AIDA: variants seen among roughly 807,000 people sequenced by gnomAD.
AIDA encodes the protein axin interactor, dorsalization associated.
In AIDA, 18 loss-of-function variants were observed where a neutral mutation model predicts 42.7. The observed-to-expected ratio is 0.42, with a 90% CI of 0.29 to 0.63. AIDA has a LOEUF of 0.63. AIDA is among the 20% of genes least tolerant of loss of function. The pLI, the probability that AIDA is intolerant of heterozygous loss-of-function variation, is 0.19. For missense variants in AIDA, 250 were observed against 354.1 expected (o/e 0.71, Z 2.36); for synonymous variants, 104 against 122.9 (o/e 0.85, Z 1.02).
intron 4 of AIDA, among the ~76,000 whole-genome samples, chr1:222,689,132 G>C (rs992804295): frequency 6.6e-6 from 1 of 151,762 alleles, no homozygotes; most frequent in Non-Finnish European, 1.5e-5. Flanking sequence ...TATAGAATAA[G>C]GACATAAAGA....
chr1:222,680,302 T>C (rs1316138726), intron 6 of AIDA, among the ~76,000 whole-genome samples: 15 of 152,134 alleles, frequency 9.9e-5, no homozygotes, highest in African/African-American at 2.4e-5. Flanking sequence ...ATGAGCTCTA[T>C]ACAGCAGTCT....
rs142292549 is a variant in AIDA at position 222,701,204 on chromosome 1, C to T, written c.180+1944G>A. Among the ~76,000 whole-genome samples, 409 of 152,248 alleles carry T rather than the reference C, an allele frequency of 2.7e-3. 2 individuals carry two copies. Among genetic ancestry groups the T allele is most frequent in the African/African-American group, 9.0e-3 (372 of 41,532 alleles). On this transcript the variant is annotated intron_variant, in intron 2 of 9. Coordinates refer to ENST00000340020, the MANE Select transcript of AIDA (RefSeq NM_022831.4). ...TCTTGAACTCCTGGGCTGAAACAATCTTCCCAACTCGACCTCCCAAAGTGC... is the reference window on the plus strand; with the variant it reads ...TCTTGAACTCCTGGGCTGAAACAATTTTCCCAACTCGACCTCCCAAAGTGC...
intron 1 of AIDA, among the ~76,000 whole-genome samples, chr1:222,709,448 C>T (rs968592970): frequency 1.3e-5 from 2 of 151,544 alleles, no homozygotes; most frequent in African/African-American, 4.9e-5. Flanking sequence ...ACAAAACAAA[C>T]AAAAAAAGAA....
chr1:222,697,633 T>G (rs552718215), intron 2 of AIDA, among the ~76,000 whole-genome samples: 1 of 151,938 alleles, frequency 6.6e-6, no homozygotes, highest in Non-Finnish European at 1.5e-5. Context: ...GCTAGGAAAA[T>G]TGACAGCTCA....
At chr1:222,701,616 T>C (rs1221278270) in intron 2 of AIDA, among the ~76,000 whole-genome samples, 1 of 152,214 alleles carries the variant, frequency 6.6e-6, no homozygotes. Context: ...AGCAAATCAG[T>C]AATTTCCACT....
intron 3 of AIDA, 115 bp downstream of exon 3, chr1:222,694,092 ATGT>A (rs1655450070): frequency 1.1e-6 from 1 of 942,236 alleles, no homozygotes; most frequent in East Asian, 2.5e-5. Context: ...AATTTAATAG[ATGT>A]TGTTATAAAA....
Position 222,676,935 on chromosome 1 carries a change from C to CA in AIDA, c.461-718dup, listed in dbSNP as rs202074935. 3.5e-3 allele frequency among the ~76,000 whole-genome samples: 435 copies of CA among 124,420 alleles called. 2 individuals are homozygous for CA. The highest frequency in any genetic ancestry group is 4.5e-3 in the African/African-American group (170 of 37,380). The allele number at this position is 124,420 out of a possible 152,430, so 81.6% of individuals were successfully genotyped here. On this transcript the variant is annotated intron_variant, in intron 6 of 9. Coordinates refer to ENST00000340020, the MANE Select transcript of AIDA (RefSeq NM_022831.4). ...GAAGCAAAAAAACCACAAAAAAAAA[C>CA]AAACAAAAAAAAACCCATCCGTTGA... is the stretch of plus-strand genomic sequence containing the variant.
intron 4 of AIDA, 24 bp downstream of exon 4, chr1:222,693,764 CA>C: frequency 4.4e-6 from 7 of 1,574,182 alleles, no homozygotes; most frequent in Admixed American, 1.7e-5. Flanking sequence ...AGGAGTATCA[CA>C]AAAAAATATA....
chr1:222,687,272 T>C (rs1655222026), intron 5 of AIDA, among the ~76,000 whole-genome samples: 1 of 151,754 alleles, frequency 6.6e-6, no homozygotes, highest in South Asian at 2.1e-4. Context: ...TCTACTAAAA[T>C]ACAAAAAAAT....
rs565083327 is a variant in AIDA, at chr1:222,687,823, C to T, written c.290-165G>A. 1.1e-3 allele frequency among the ~76,000 whole-genome samples: 168 copies of T among 152,216 alleles called. 1 individual carries two copies. Among genetic ancestry groups the T allele is most frequent in the African/African-American group, 3.9e-3 (161 of 41,542 alleles). Reference sequence around the variant, plus strand: ...ACACAGTACATTTGTCCACTGAAGTCTTAGCAAAATTAAAATATCCATGAT... The same window carrying T: ...ACACAGTACATTTGTCCACTGAAGTTTTAGCAAAATTAAAATATCCATGAT... On this transcript the variant is annotated intron_variant, in intron 4 of 9. Coordinates refer to ENST00000340020, the MANE Select transcript of AIDA (RefSeq NM_022831.4).
intron 6 of AIDA, among the ~76,000 whole-genome samples, chr1:222,678,410 C>A (rs1043185747): frequency 6.6e-6 from 1 of 152,042 alleles, no homozygotes; most frequent in Admixed American, 6.6e-5. Context: ...ACTATTTTCT[C>A]CCAAGTAAAC....
At chr1:222,682,031 C>T (rs765897866) in intron 6 of AIDA, among the ~76,000 whole-genome samples, 61 of 152,130 alleles carry the variant, frequency 4.0e-4, no homozygotes, top group Non-Finnish European at 1.9e-4. Flanking sequence ...ATGGAGATTA[C>T]GGAGAACCAG....
chr1:222,699,632 G>A (rs1655627220), intron 2 of AIDA, among the ~76,000 whole-genome samples: 1 of 152,076 alleles, frequency 6.6e-6, no homozygotes, highest in Admixed American at 6.5e-5. Flanking sequence ...AATACACCTG[G>A]AAGATCTGTT....
intron 6 of AIDA, among the ~76,000 whole-genome samples, chr1:222,682,337 T>C (rs1664668836): frequency 6.6e-6 from 1 of 152,118 alleles, no homozygotes; most frequent in Non-Finnish European, 1.5e-5. Context: ...TTACTAAGGA[T>C]TGTATCTTCT....
chr1:222,684,135 G>C (rs1406098615), intron 6 of AIDA, among the ~76,000 whole-genome samples: 1 of 151,382 alleles, frequency 6.6e-6, no homozygotes, highest in Non-Finnish European at 1.5e-5. Context: ...TTTTGAGACG[G>C]AGTCTGGCTG....
intron 7 of AIDA, 62 bp from the exon 8 acceptor site, chr1:222,673,497 C>G: frequency 7.1e-7 from 1 of 1,417,362 alleles, no homozygotes; most frequent in Non-Finnish European, 9.4e-7. Flanking sequence ...AAACTGCAGG[C>G]CAGGCACGGT....
intron 2 of AIDA, among the ~76,000 whole-genome samples, chr1:222,700,971 T>TGGGGG (rs769851386): frequency 3.8e-5 from 4 of 105,038 alleles, no homozygotes; most frequent in African/African-American, 1.6e-4. Flanking sequence ...TGATTTTTTT[T>TGGGGG]GGGGGGGGGG....
At position 222,712,225 on chromosome 1, in the gene AIDA, C is replaced by T. The variant is rs1344812152; in HGVS notation, c.93G>A (p.Ala31=). The T allele has an allele frequency of 6.2e-6, 10 of 1,601,864 alleles. No individual in the cohort carries two copies. Among genetic ancestry groups the T allele is most frequent in the East Asian group, 2.3e-5 (1 of 44,160 alleles). Residue 31 remains alanine, a synonymous_variant, in exon 1 of 10, where the codon GCG becomes GCA. Coordinates refer to ENST00000340020, the MANE Select transcript of AIDA (RefSeq NM_022831.4). ...TCACTCACATCTGATACTCGTCTAT[C>T]GCCTCCACCAGCTGGCCCCAAGAGT... is the stretch of plus-strand genomic sequence containing the variant. ...DFDSWGQLVE[A]IDEYQILARH...
chr1:222,698,503 G>A (rs975707124), intron 2 of AIDA, among the ~76,000 whole-genome samples: 5 of 148,722 alleles, frequency 3.4e-5, no homozygotes, highest in South Asian at 2.1e-4. Context: ...CCAGGCTCGG[G>A]TGCAGTGGTG....
Sources: gnomAD v4.1 joint callset for allele counts (sites outside exome capture counted in the v4.1 genomes callset) on GRCh38, gnomAD v4.1.1 for gene constraint, MANE v1.5 for transcripts, NCBI Gene and HGNC (gene_info 2026-07-23, HGNC 2026-07-21) for gene names.